SH3BGRL: variants seen among roughly 807,000 people sequenced by gnomAD.
The protein encoded by SH3BGRL is adapter SH3BGRL.
Under a neutral mutation model 9.8 loss-of-function variants are expected in SH3BGRL, and 7 were observed. The ratio of observed to expected loss-of-function variants is 0.72; its 90% CI spans 0.41 to 1.35. SH3BGRL has a LOEUF of 1.35. Among genes scored for constraint, SH3BGRL ranks in the 40% most tolerant of loss-of-function variants. The pLI is 0.01. For missense variants in SH3BGRL, 73 were observed against 84.4 expected (o/e 0.86, Z 0.53); for synonymous variants, 36 against 29.1 (o/e 1.24, Z -0.76).
chrX:81,222,365 T>A (rs1314052052), intron 1 of SH3BGRL, among the ~76,000 whole-genome samples: 1 of 89,644 alleles, frequency 1.1e-5, no homozygotes, highest in African/African-American at 4.2e-5. Context: ...ATGTTCCCCT[T>A]CCTGTGTCCA....
Position 81,294,957 on chromosome X carries a change from C to T in SH3BGRL, c.313-2238C>T, listed in dbSNP as rs141497485. Among the ~76,000 whole-genome samples, 617 of 111,913 alleles carry T rather than the reference C, an allele frequency of 5.5e-3. 3 individuals carry two copies. Among genetic ancestry groups the T allele is most frequent in the African/African-American group, 0.018 (561 of 30,810 alleles). On this transcript the variant is annotated intron_variant, in intron 3 of 3. Transcript: ENST00000373212. ...TTTGAACTTTCACTGGGCCTGTAGC[C>T]CCTTTGTTTTGGCCAATTTCTCCCA...
At chrX:81,202,939 A>G (rs932182036) in intron 1 of SH3BGRL, among the ~76,000 whole-genome samples, 7 of 111,315 alleles carry the variant, frequency 6.3e-5, no homozygotes, top group Non-Finnish European at 1.3e-4. Flanking sequence ...TTACTTTTAA[A>G]TTTCTCTCAC....
chrX:81,271,477 A>G (rs2075779423), intron 1 of SH3BGRL, among the ~76,000 whole-genome samples: 1 of 112,202 alleles, frequency 8.9e-6, no homozygotes, highest in Admixed American at 9.4e-5. Flanking sequence ...CGAGAACTCT[A>G]GGGAGCCAGG....
chrX:81,247,437 T>C (rs1324973505), intron 1 of SH3BGRL, among the ~76,000 whole-genome samples: 1 of 111,747 alleles, frequency 8.9e-6, no homozygotes, highest in African/African-American at 3.3e-5. Flanking sequence ...ATGTTGGCTG[T>C]TGGTTTGATA....
Position 81,202,189 on chromosome X carries a change from G to A in SH3BGRL, c.-12G>A, listed in dbSNP as rs372934032. 16 of 1,205,724 alleles carry A rather than the reference G, an allele frequency of 1.3e-5. No homozygotes were observed. Among genetic ancestry groups the A allele is most frequent in the Non-Finnish European group, 1.6e-5 (14 of 892,968 alleles). On this transcript the variant is annotated 5_prime_UTR_variant, in exon 1 of 4. Transcript: ENST00000373212. ...TTTCAGGACCCAAACAACCGCAGCCGCTGTTCCCAGGATGGTGATCCGTGT... is the reference window on the plus strand; with the variant it reads ...TTTCAGGACCCAAACAACCGCAGCCACTGTTCCCAGGATGGTGATCCGTGT...
At chrX:81,287,577 T>A (rs1447177137) in intron 3 of SH3BGRL, among the ~76,000 whole-genome samples, 2 of 111,652 alleles carry the variant, frequency 1.8e-5, no homozygotes, top group Non-Finnish European at 3.8e-5. Flanking sequence ...CTGCATGTTC[T>A]CATTCCTAAG....
At chrX:81,258,283 G>T (rs1343293188) in intron 1 of SH3BGRL, among the ~76,000 whole-genome samples, 1 of 111,549 alleles carries the variant, frequency 9.0e-6, no homozygotes, top group African/African-American at 3.3e-5. Context: ...TGGATATGCA[G>T]GCAACTTTCA....
At chrX:81,223,125 G>T (rs1336708375) in intron 1 of SH3BGRL, among the ~76,000 whole-genome samples, 2 of 111,098 alleles carry the variant, frequency 1.8e-5, no homozygotes, top group Non-Finnish European at 3.8e-5. Flanking sequence ...TCTGTAGGTT[G>T]CCTGTTCACT....
At chrX:81,260,509 A>G (rs1443596989) in intron 1 of SH3BGRL, among the ~76,000 whole-genome samples, 1 of 111,311 alleles carries the variant, frequency 9.0e-6, no homozygotes, top group Non-Finnish European at 1.9e-5. Context: ...TATCTGCAAT[A>G]CAGAGAGAGA....
chrX:81,277,788 T>G (rs1411254881), intron 2 of SH3BGRL, among the ~76,000 whole-genome samples: 1 of 111,540 alleles, frequency 9.0e-6, no homozygotes, highest in African/African-American at 3.3e-5. Context: ...AATAAATCAT[T>G]CTGCAGTTTT....
At chrX:81,220,594 T>A (rs2075597237) in intron 1 of SH3BGRL, among the ~76,000 whole-genome samples, 1 of 110,346 alleles carries the variant, frequency 9.1e-6, no homozygotes, top group South Asian at 3.8e-4. Flanking sequence ...TTTTTAGTGT[T>A]TTTTTTTCAT....
chrX:81,291,949 A>T (rs2075859309), intron 3 of SH3BGRL, among the ~76,000 whole-genome samples: 1 of 112,147 alleles, frequency 8.9e-6, no homozygotes, highest in Non-Finnish European at 1.9e-5. Flanking sequence ...GGCAACTCTG[A>T]TCCTGCAGCT....
chrX:81,257,862 A>G (rs1433295357), intron 1 of SH3BGRL, among the ~76,000 whole-genome samples: 1 of 110,628 alleles, frequency 9.0e-6, no homozygotes, highest in African/African-American at 3.3e-5. Context: ...CCACTGTACC[A>G]TGCTGCATCT....
chrX:81,264,790 T>G (rs1169542602), intron 1 of SH3BGRL, among the ~76,000 whole-genome samples: 1 of 110,182 alleles, frequency 9.1e-6, no homozygotes, highest in Non-Finnish European at 1.9e-5. Context: ...TAGAATTGGC[T>G]TTAGGGTAGG....
chrX:81,223,237 G>T (rs2075606090), intron 1 of SH3BGRL, among the ~76,000 whole-genome samples: 1 of 111,746 alleles, frequency 8.9e-6, no homozygotes, highest in South Asian at 3.8e-4. Flanking sequence ...TTTTAGTCAT[G>T]AAGTCCTTGC....
intron 1 of SH3BGRL, among the ~76,000 whole-genome samples, chrX:81,251,429 T>A (rs926871694): frequency 6.3e-5 from 7 of 111,091 alleles, no homozygotes; most frequent in South Asian, 3.8e-4. Context: ...GTTTTTTTTT[T>A]ATTTATGACT....
intron 1 of SH3BGRL, among the ~76,000 whole-genome samples, chrX:81,254,571 C>T (rs1274193113): frequency 8.9e-6 from 1 of 112,304 alleles, no homozygotes; most frequent in Admixed American, 9.4e-5. Context: ...CCCAGTGCTA[C>T]AGCTAACATA....
At chrX:81,249,979 TTAAAA>T (rs1773067720) in intron 1 of SH3BGRL, among the ~76,000 whole-genome samples, 2 of 111,214 alleles carry the variant, frequency 1.8e-5, no homozygotes, top group East Asian at 5.6e-4. Flanking sequence ...AGTGTATAAT[TTAAAA>T]TAAATTTAAA....
intron 1 of SH3BGRL, among the ~76,000 whole-genome samples, chrX:81,221,486 G>T (rs920750835): frequency 2.6e-4 from 29 of 111,446 alleles, no homozygotes; most frequent in African/African-American, 8.1e-4. Context: ...TTCTCCTTAG[G>T]TTTCCGTCAG....
Sources: gnomAD v4.1 joint callset for allele counts (sites outside exome capture counted in the v4.1 genomes callset) on GRCh38, gnomAD v4.1.1 for gene constraint, MANE v1.5 for transcripts, NCBI Gene and HGNC (gene_info 2026-07-23, HGNC 2026-07-21) for gene names.